MICU1: variants seen among roughly 807,000 people sequenced by gnomAD.
The protein encoded by MICU1 is mitochondrial calcium uptake 1.
A neutral mutation model predicts 56.8 loss-of-function variants in MICU1; 45 were observed. The observed-to-expected ratio is 0.79, with a 90% CI of 0.62 to 1.02. The LOEUF is 1.02. Among genes scored for constraint, MICU1 ranks in the 50% least tolerant of loss-of-function variants. MICU1 has a pLI of 0.00. For missense variants in MICU1, 504 were observed against 587.1 expected (o/e 0.86, Z 1.46); for synonymous variants, 186 against 195.1 (o/e 0.95, Z 0.39).
intron 1 of MICU1, among the ~76,000 whole-genome samples, chr10:72,598,697 G>T (rs1841442943): frequency 6.6e-6 from 1 of 152,038 alleles, no homozygotes; most frequent in Non-Finnish European, 1.5e-5. Flanking sequence ...ATGGTTATGT[G>T]AAAAGGTCCG....
At chr10:72,427,776 T>C (rs992369341) in intron 8 of MICU1, among the ~76,000 whole-genome samples, 14 of 142,098 alleles carry the variant, frequency 9.9e-5, no homozygotes, top group Admixed American at 7.1e-4. Flanking sequence ...ATATGAATGA[T>C]AAATTTCTTG....
At chr10:72,605,514 T>C (rs1379231561) in intron 1 of MICU1, among the ~76,000 whole-genome samples, 2 of 152,264 alleles carry the variant, frequency 1.3e-5, no homozygotes, top group Non-Finnish European at 2.9e-5. Context: ...TCTTGAATTC[T>C]TTCTTGGGCA....
intron 3 of MICU1, among the ~76,000 whole-genome samples, chr10:72,555,316 A>G (rs1200794327): frequency 6.6e-6 from 1 of 152,214 alleles, no homozygotes; most frequent in Non-Finnish European, 1.5e-5. Context: ...AAAAAAGCAG[A>G]CCAACCAATA....
At chr10:72,387,099 T>G (rs932109797) in intron 10 of MICU1, among the ~76,000 whole-genome samples, 34 of 152,228 alleles carry the variant, frequency 2.2e-4, no homozygotes, top group African/African-American at 8.0e-4. Context: ...TAACAGTCCC[T>G]GTGAGGCAAT....
chr10:72,525,294 A>G (rs1358396735), intron 5 of MICU1, among the ~76,000 whole-genome samples: 1 of 152,200 alleles, frequency 6.6e-6, no homozygotes, highest in Non-Finnish European at 1.5e-5. Context: ...AACTTCACTG[A>G]CCAGGAAATA....
intron 8 of MICU1, among the ~76,000 whole-genome samples, chr10:72,442,585 G>A (rs144067817): frequency 3.9e-4 from 60 of 152,260 alleles, no homozygotes; most frequent in East Asian, 1.2e-3. Flanking sequence ...TATGCTAAGC[G>A]TTTGTGCTTT....
At chr10:72,439,218 C>T (rs1864838160) in intron 8 of MICU1, among the ~76,000 whole-genome samples, 1 of 152,320 alleles carries the variant, frequency 6.6e-6, no homozygotes, top group South Asian at 2.1e-4. Context: ...AAGTTGGCTT[C>T]ATCCCTGGGA....
At chr10:72,405,386 A>AT (rs1863593779) in intron 10 of MICU1, among the ~76,000 whole-genome samples, 1 of 151,048 alleles carries the variant, frequency 6.6e-6, no homozygotes, top group South Asian at 2.1e-4. Context: ...TGCCCAGCTA[A>AT]TTTTTTGTAT....
intron 1 of MICU1, among the ~76,000 whole-genome samples, chr10:72,621,715 A>G (rs1842109172): frequency 6.6e-6 from 1 of 152,178 alleles, no homozygotes; most frequent in African/African-American, 2.4e-5. Flanking sequence ...AATACATAAT[A>G]TATTTAAAGT....
At chr10:72,512,215 A>G (rs1324852947) in intron 5 of MICU1, among the ~76,000 whole-genome samples, 1 of 148,148 alleles carries the variant, frequency 6.8e-6, no homozygotes, top group East Asian at 2.0e-4. Context: ...AGGTTCAAGC[A>G]ATTCCCCTGC....
At chr10:72,414,823 G>C (rs184722419) in intron 9 of MICU1, among the ~76,000 whole-genome samples, 1 of 152,130 alleles carries the variant, frequency 6.6e-6, no homozygotes, top group African/African-American at 2.4e-5. Flanking sequence ...GCCATGATGA[G>C]TGCAAACACT....
intron 8 of MICU1, among the ~76,000 whole-genome samples, chr10:72,468,837 C>T (rs1227941648): frequency 6.6e-6 from 1 of 152,150 alleles, no homozygotes; most frequent in Non-Finnish European, 1.5e-5. Flanking sequence ...GAAATTTGGT[C>T]TTTTTCTGTC....
intron 6 of MICU1, among the ~76,000 whole-genome samples, chr10:72,491,014 A>G (rs1866636809): frequency 6.6e-6 from 1 of 152,204 alleles, no homozygotes; most frequent in Non-Finnish European, 1.5e-5. Flanking sequence ...GGAGCCAAAC[A>G]CCAAACAGAA....
chr10:72,517,453 C>T (rs1358927487), intron 5 of MICU1, among the ~76,000 whole-genome samples: 1 of 151,856 alleles, frequency 6.6e-6, no homozygotes, highest in Non-Finnish European at 1.5e-5. Flanking sequence ...TAAAAAGGAA[C>T]GAATTAATGG....
rs367956143 is a variant in MICU1 at position 72,485,304 on chromosome 10, C to T, written c.653-8048G>A. 1.2e-4 allele frequency among the ~76,000 whole-genome samples: 19 copies of T among 152,002 alleles called. No individual in the cohort carries two copies. In the East Asian group the frequency reaches 2.1e-3, roughly 17 times the overall value. On this transcript the variant is annotated intron_variant, in intron 6 of 11. Transcript: ENST00000361114. ...TGTTGCCCGGGCTGGTCTCGATTTC[C>T]TGGGCTCAAGTGATCCTCCTTCCTC...
At chr10:72,575,365 TATAAAA>T (rs1383882333) in intron 1 of MICU1, among the ~76,000 whole-genome samples, 32 of 152,344 alleles carry the variant, frequency 2.1e-4, no homozygotes, top group African/African-American at 7.7e-4. Context: ...GTACAAATAA[TATAAAA>T]ATAAATTTTC....
intron 4 of MICU1, among the ~76,000 whole-genome samples, chr10:72,539,160 A>G (rs1479696180): frequency 6.6e-6 from 1 of 152,158 alleles, no homozygotes; most frequent in African/African-American, 2.4e-5. Flanking sequence ...TCAACATCCC[A>G]CTTTCAGTAA....
At chr10:72,487,085 G>A (rs1866498606) in intron 6 of MICU1, among the ~76,000 whole-genome samples, 1 of 152,120 alleles carries the variant, frequency 6.6e-6, no homozygotes, top group Admixed American at 6.6e-5. Flanking sequence ...ATGCCCCAAG[G>A]AAATCAGCAG....
chr10:72,527,710 C>T (rs1868005149), intron 5 of MICU1, among the ~76,000 whole-genome samples: 1 of 152,112 alleles, frequency 6.6e-6, no homozygotes, highest in Admixed American at 6.5e-5. Context: ...TGGTTGTGTG[C>T]ACTAAATGAG....
Sources: gnomAD v4.1 joint callset for allele counts (sites outside exome capture counted in the v4.1 genomes callset) on GRCh38, gnomAD v4.1.1 for gene constraint, MANE v1.5 for transcripts, NCBI Gene and HGNC (gene_info 2026-07-23, HGNC 2026-07-21) for gene names.